The following DNAJB13 variants were observed in gnomAD, a reference collection of about 807,000 sequenced individuals.
DNAJB13 encodes the protein dnaJ homolog subfamily B member 13.
Under a neutral mutation model 35.6 loss-of-function variants are expected in DNAJB13, and 22 were observed. The observed-to-expected ratio is 0.62, with a 90% confidence interval of 0.44 to 0.88. DNAJB13 has a LOEUF of 0.88. DNAJB13 is among the 40% of genes least tolerant of loss of function. The pLI is 0.00. For missense variants in DNAJB13, 370 were observed against 384.3 expected (o/e 0.96, Z 0.31); for synonymous variants, 136 against 144.2 (o/e 0.94, Z 0.41).
At chr11:73,953,342 C>CGCA (rs1467768691) in intron 1 of DNAJB13, among the ~76,000 whole-genome samples, 3 of 152,104 alleles carry the variant, frequency 2.0e-5, no homozygotes, top group Non-Finnish European at 2.9e-5. Context: ...CAGGACGAGC[C>CGCA]GCAGAAAAAA....
chr11:73,952,526 G>A (rs1161658988), intron 1 of DNAJB13, among the ~76,000 whole-genome samples: 1 of 152,194 alleles, frequency 6.6e-6, no homozygotes, highest in African/African-American at 2.4e-5. Flanking sequence ...GCCAGGTCCT[G>A]TAGGGGATCA....
At chr11:73,955,850 G>C (rs373318948) in intron 1 of DNAJB13, among the ~76,000 whole-genome samples, 5 of 152,112 alleles carry the variant, frequency 3.3e-5, no homozygotes, top group South Asian at 2.1e-4. Flanking sequence ...ATTGAGAAAG[G>C]CTGGTTTGGA....
At position 73,970,119 on chromosome 11, in the gene DNAJB13, G is replaced by A; in HGVS notation, c.*5G>A. On this transcript the variant is annotated 3_prime_UTR_variant, in exon 8 of 8. Transcript: ENST00000339764. ...CGCCAGGCATTGCTGACATGACTGT[G>A]GTGGGCTGGAGCAGGGGTGAGAGGA... 6.3e-7 allele frequency: 1 copy of A among 1,596,916 alleles called. No homozygotes were observed. The highest frequency in any genetic ancestry group is 2.2e-5 in the East Asian group (1 of 44,622).
Position 73,959,476 on chromosome 11 carries a change from G to C in DNAJB13, c.173-18G>C. 1 of 1,611,830 alleles carries C rather than the reference G, an allele frequency of 6.2e-7. No homozygotes were observed. The stretch of plus-strand genomic sequence containing the variant: ...CCCCCAAAGTTGGACACCTCCTTAA[G>C]GTGATGCCCATCCACAGCCATGAAG... On this transcript the variant is annotated intron_variant, in intron 2 of 7. Transcript: ENST00000339764.
intron 1 of DNAJB13, among the ~76,000 whole-genome samples, chr11:73,954,486 C>T (rs576545813): frequency 1.8e-4 from 27 of 151,238 alleles, no homozygotes; most frequent in African/African-American, 3.2e-4. Context: ...AAAAAATAGC[C>T]GGGCGTGGTA....
rs1377066581 is a variant in DNAJB13, at chr11:73,969,251, C to T, written c.726C>T (p.Leu242=). The stretch of plus-strand genomic sequence containing the variant: ...TTGGCCCTGACCCTCCCTAGGCTCT[C>T]ACCTGCTGCACTGTGGAGGTGAGGA... The part of the protein sequence containing the change: ...FVNPIPLGKA[L]TCCTVEVRTL... The change falls in exon 7 of 8, where the codon CTC becomes CTT. Residue 242 remains leucine (L), a synonymous_variant. Coordinates refer to ENST00000339764, the MANE Select transcript of DNAJB13 (RefSeq NM_153614.4). 1.5e-5 allele frequency: 13 copies of T among 869,044 alleles called. No homozygotes were observed. The highest frequency in any genetic ancestry group is 1.2e-4 in the East Asian group (5 of 41,302). The allele number at this position is 869,044 out of a possible 1,614,324, so 53.8% of individuals were successfully genotyped here.
At chr11:73,951,857 G>C (rs1393166903) in intron 1 of DNAJB13, among the ~76,000 whole-genome samples, 1 of 152,096 alleles carries the variant, frequency 6.6e-6, no homozygotes, top group Non-Finnish European at 1.5e-5. Context: ...TTTTGGTCAG[G>C]CTGGTCTCAA....
At chr11:73,964,608 AGGGGAGGTG>A in intron 3 of DNAJB13, 16 of 416,284 alleles carry the variant, frequency 3.8e-5, no homozygotes, top group Admixed American at 8.3e-5. Flanking sequence ...GAATGTCCCA[AGGGGAGGTG>A]AAGCAGTGGG....
chr11:73,954,643 A>AAAAT (rs10681304), intron 1 of DNAJB13, among the ~76,000 whole-genome samples: 10,073 of 132,168 alleles, frequency 0.076, 441 homozygotes, highest in South Asian at 0.11. Flanking sequence ...AAAAAAAAAT[A>AAAAT]AAATAAATAA....
chr11:73,961,158 T>C (rs1204216514), intron 3 of DNAJB13, among the ~76,000 whole-genome samples: 1 of 152,102 alleles, frequency 6.6e-6, no homozygotes, highest in Non-Finnish European at 1.5e-5. Context: ...TGTGTATCTG[T>C]AGTTCCAGCT....
chr11:73,963,345 C>CAA (rs565063917), intron 3 of DNAJB13, among the ~76,000 whole-genome samples: 14 of 119,686 alleles, frequency 1.2e-4, no homozygotes, highest in Non-Finnish European at 1.8e-4. Flanking sequence ...GACTCTGTCT[C>CAA]AAAAAAAAAA....
At position 73,970,279 on chromosome 11, in the gene DNAJB13, C is replaced by T. The variant is rs948649895; in HGVS notation, c.*165C>T. ...ATAATAAAGATCTATTTCCTGTCCT[C>T]CAGCTACACCCACGAGAGTACATTG... On this transcript the variant is annotated 3_prime_UTR_variant, in exon 8 of 8. Coordinates refer to ENST00000339764, the MANE Select transcript of DNAJB13 (RefSeq NM_153614.4). The T allele has an allele frequency of 6.0e-6, 5 of 834,702 alleles. No individual in the cohort carries two copies. The highest frequency in any genetic ancestry group is 3.1e-5 in the East Asian group (1 of 32,356). 51.7% of individuals were successfully genotyped at this position (834,702 alleles called of 1,614,324 possible).
chr11:73,966,201 C>T lies in DNAJB13; in HGVS notation c.556C>T (p.Pro186Ser). 1 of 1,613,834 alleles carries T rather than the reference C, an allele frequency of 6.2e-7. No homozygotes were observed. The highest frequency in any genetic ancestry group is 8.5e-7 in the Non-Finnish European group (1 of 1,179,972). Residue 186 changes from proline to serine, a missense_variant, in exon 5 of 8, where the codon CCC becomes TCC. Coordinates refer to ENST00000339764, the MANE Select transcript of DNAJB13 (RefSeq NM_153614.4). The stretch of plus-strand genomic sequence containing the variant: ...CAAGATCCTGACCATTGATGTGAAG[C>T]CCGGTTGGAGGCAGGGCACACGCAT... ...KDKILTIDVK[P>S]GWRQGTRITF...
rs145909750 is a variant in DNAJB13, at chr11:73,959,593, T to G, written c.272T>G (p.Val91Gly). 2.0e-4 allele frequency: 330 copies of G among 1,614,170 alleles called. 2 individuals are homozygous for G. The East Asian group carries it at 2.9e-3, about 14-fold the overall frequency. ...GSQTPWTTGY[V>G]FHGKPEKVFH... ...CAGACCCCATGGACAACTGGTTACG[T>G]CTTCCATGGCAAACCTGAAAAGGTG... The change falls in exon 3 of 8, where the codon GTC becomes GGC. Residue 91 changes from valine (V) to glycine (G), a missense_variant. By Grantham distance (109) the Val-to-Gly change is moderately radical (BLOSUM62 -3). Transcript: ENST00000339764.
chr11:73,964,834 T>G (rs201145917), intron 3 of DNAJB13, 44 bp from the exon 4 acceptor site: 5 of 1,535,608 alleles, frequency 3.3e-6, no homozygotes, highest in Admixed American at 1.8e-5. Context: ...CATGTCTGGG[T>G]CTCTGGATAC....
chr11:73,953,439 G>A (rs1950636689), intron 1 of DNAJB13, among the ~76,000 whole-genome samples: 1 of 152,186 alleles, frequency 6.6e-6, no homozygotes, highest in African/African-American at 2.4e-5. Flanking sequence ...AGCTCCCCGA[G>A]TGTACAATTT....
intron 2 of DNAJB13, 55 bp from the exon 3 acceptor site, chr11:73,959,439 C>T (rs1198568899): frequency 1.3e-6 from 2 of 1,573,800 alleles, no homozygotes; most frequent in African/African-American, 2.7e-5. Context: ...CCAGCCCCTC[C>T]ACCTATCTCA....
Position 73,954,942 on chromosome 11 carries a change from A to G in DNAJB13, c.69-3375A>G, listed in dbSNP as rs913904871. Among the ~76,000 whole-genome samples the G allele has an allele frequency of 7.9e-5, 12 of 152,118 alleles. 1 individual carries two copies. Among genetic ancestry groups the G allele is most frequent in the Admixed American group, 7.2e-4 (11 of 15,272 alleles). Reference sequence around the variant, plus strand: ...CTCCAGCCTGAGCAACAAGAGCAAAACTCCATTTCAAAAATAAATAATAAA... The same window carrying G: ...CTCCAGCCTGAGCAACAAGAGCAAAGCTCCATTTCAAAAATAAATAATAAA... On this transcript the variant is annotated intron_variant, in intron 1 of 7. Transcript: ENST00000339764.
Position 73,968,433 on chromosome 11 carries a change from T to C in DNAJB13, c.695T>C (p.Phe232Ser), listed in dbSNP as rs773870311. The change falls in exon 6 of 8, where the codon TTC (phenylalanine) becomes TCC (serine). Residue 232 changes from phenylalanine (F) to serine (S), a missense_variant. Transcript: ENST00000339764. ...CGCAGGGAGAATGACAACCTCTTCT[T>C]CGTGAACCCCATCCCTCTTGGCAAG... ...RFRRENDNLFFVNPIPLGKAL... is the reference protein window; with the variant it reads ...RFRRENDNLFSVNPIPLGKAL... 1.9e-6 allele frequency: 3 copies of C among 1,613,900 alleles called. No individual in the cohort carries two copies. In the African/African-American group the frequency reaches 4.0e-5, roughly 22 times the overall value.
Sources: allele counts gnomAD v4.1 joint callset (sites outside exome capture counted in the v4.1 genomes callset), GRCh38; gene constraint gnomAD v4.1.1; transcripts MANE v1.5; gene names NCBI Gene and HGNC (gene_info 2026-07-23, HGNC 2026-07-21).